Variants in C6 observed in about 807,000 individuals in gnomAD.
C6 encodes complement component C6.
In C6, 101 loss-of-function variants were observed where a neutral mutation model predicts 112.9. The ratio of observed to expected loss-of-function variants is 0.89; its 90% CI spans 0.76 to 1.06. The LOEUF (loss-of-function observed/expected upper bound fraction) is 1.06. C6 is among the 50% of genes least tolerant of loss of function. The pLI is 0.00. For missense variants in C6, 1,202 were observed against 1,104.6 expected (o/e 1.09, Z -1.25); for synonymous variants, 431 against 384.1 (o/e 1.12, Z -1.43).
intron 4 of C6, among the ~76,000 whole-genome samples, chr5:41,196,831 A>G (rs1161746929): frequency 6.6e-6 from 1 of 152,050 alleles, no homozygotes; most frequent in African/African-American, 2.4e-5. Context: ...TCCATTTCTG[A>G]CTTACTGAAT....
chr5:41,172,700 C>A, intron 8 of C6: 1 of 382,820 alleles, frequency 2.6e-6, no homozygotes, highest in Non-Finnish European at 5.0e-6. Context: ...TTTAAGCTCT[C>A]CCTTTCTATT....
At chr5:41,201,410 G>T in intron 3 of C6, 148 bp downstream of exon 3, 1 of 805,232 alleles carries the variant, frequency 1.2e-6, no homozygotes, top group Non-Finnish European at 2.1e-6. Flanking sequence ...CCACAAAAGT[G>T]CTAAATGGAA....
At position 41,150,080 on chromosome 5, in the gene C6, A is replaced by G. The variant is rs534803963; in HGVS notation, c.2291-55T>C. On this transcript the variant is annotated intron_variant, in intron 15 of 17. Coordinates refer to ENST00000337836, the MANE Select transcript of C6 (RefSeq NM_000065.5). Reference sequence around the variant, plus strand: ...CAGTGCACAGCATGGATTCTAAGTGATAAGCTTGAATTCAGAGAAGAGGCA... The same window carrying G: ...CAGTGCACAGCATGGATTCTAAGTGGTAAGCTTGAATTCAGAGAAGAGGCA... 392 of 1,098,294 alleles carry G rather than the reference A, an allele frequency of 3.6e-4. 10 individuals are homozygous for G. In the South Asian group the frequency reaches 4.5e-3, roughly 13 times the overall value. The allele number at this position is 1,098,294 out of a possible 1,614,324, so 68.0% of individuals were successfully genotyped here.
chr5:41,164,134 G>A (rs1324806630), intron 9 of C6, among the ~76,000 whole-genome samples: 16 of 151,508 alleles, frequency 1.1e-4, no homozygotes, highest in Admixed American at 1.1e-3. Context: ...GAGGGAGAGA[G>A]GGAGGGAAAA....
upstream of C6, chr5:41,213,573 A>G (rs1752073318): frequency 5.1e-6 from 5 of 985,156 alleles, no homozygotes; most frequent in African/African-American, 3.5e-5. Context: ...GTTCTCTGGA[A>G]CTTGAACTTT....
At chr5:41,211,672 G>A (rs1751942143) in intron 1 of C6, among the ~76,000 whole-genome samples, 3 of 151,804 alleles carry the variant, frequency 2.0e-5, no homozygotes, top group Admixed American at 1.3e-4. Flanking sequence ...GCCAAAATTG[G>A]AATTTTCTCA....
chr5:41,149,428 A>G lies in C6; in HGVS notation c.2436T>C (p.Thr812=). Residue 812 remains threonine, a synonymous_variant, in exon 17 of 18, where the codon ACT becomes ACC. Transcript: ENST00000337836. ...VFDTDSNDYF[T]SPACKFLAEK... ...CAGCCAAAAACTTACAAGCGGGTGA[A>G]GTAAAGTAATCGTTGGAGTCTGTGT... 1 of 1,614,114 alleles carries G rather than the reference A, an allele frequency of 6.2e-7. No homozygotes were observed. Among genetic ancestry groups the G allele is most frequent in the Non-Finnish European group, 8.5e-7 (1 of 1,179,976 alleles).
chr5:41,190,564 T>G (rs945164757), intron 5 of C6, among the ~76,000 whole-genome samples: 36 of 152,224 alleles, frequency 2.4e-4, no homozygotes, highest in African/African-American at 8.4e-4. Flanking sequence ...TTATGTTGTC[T>G]TTTCACTCTG....
intron 1 of C6, among the ~76,000 whole-genome samples, chr5:41,242,430 T>G (rs752538516): frequency 6.6e-6 from 1 of 151,610 alleles, no homozygotes; most frequent in Non-Finnish European, 1.5e-5. Context: ...TGTGGAACTG[T>G]GAGTCAATTA....
chr5:41,240,609 A>G (rs1740643677), intron 1 of C6, among the ~76,000 whole-genome samples: 1 of 152,112 alleles, frequency 6.6e-6, no homozygotes, highest in African/African-American at 2.4e-5. Flanking sequence ...GGCTGGGCTG[A>G]CCCATCTTCA....
chr5:41,253,386 T>C (rs1741483471), intron 1 of C6, among the ~76,000 whole-genome samples: 1 of 152,156 alleles, frequency 6.6e-6, no homozygotes, highest in African/African-American at 2.4e-5. Flanking sequence ...CTCATAAATC[T>C]CTCTCTGTGT....
chr5:41,186,177 C>A lies in C6; in HGVS notation c.619G>T (p.Glu207Ter). 1 of 1,613,922 alleles carries A rather than the reference C, an allele frequency of 6.2e-7. No individual in the cohort carries two copies. The highest frequency in any genetic ancestry group is 8.5e-7 in the Non-Finnish European group (1 of 1,179,894). ...FHFLAGEPRG[E>*]VLDNSFTGGI... ...CCAGTGAAAGAGTTATCAAGGACTT[C>A]TCCTCTGGGCTCTCCTGCCAGAAAA... Residue 207 changes from glutamate to a stop codon, truncating the protein, a stop_gained, in exon 6 of 18, where the codon GAA (glutamate) becomes TAA (stop). Transcript: ENST00000337836. LOFTEE classifies it high-confidence loss of function.
chr5:41,245,814 A>G (rs1740988476), intron 1 of C6, among the ~76,000 whole-genome samples: 1 of 152,168 alleles, frequency 6.6e-6, no homozygotes, highest in Admixed American at 6.5e-5. Flanking sequence ...TTATCTTTTT[A>G]AACTACTGAA....
At chr5:41,162,444 G>GA (rs1173850047) in intron 9 of C6, among the ~76,000 whole-genome samples, 2 of 152,056 alleles carry the variant, frequency 1.3e-5, no homozygotes, top group Non-Finnish European at 2.9e-5. Context: ...AACTAACACA[G>GA]AAAAAAACCC....
At chr5:41,195,304 G>A (rs907149169) in intron 5 of C6, among the ~76,000 whole-genome samples, 1 of 152,166 alleles carries the variant, frequency 6.6e-6, no homozygotes, top group African/African-American at 2.4e-5. Context: ...CTCTGGGTTT[G>A]CTTTTCATGC....
intron 15 of C6, chr5:41,152,940 T>G (rs767853381): frequency 2.6e-5 from 4 of 152,250 alleles, no homozygotes; most frequent in Non-Finnish European, 4.4e-5. Flanking sequence ...GGGACTCAGC[T>G]GCCCACACCT....
rs769413147 is a variant in C6 at position 41,199,800 on chromosome 5, G to A, written c.413C>T (p.Ala138Val). ...IPSKLCKIEEADCKNKFRCDS... is the reference protein window; with the variant it reads ...IPSKLCKIEEVDCKNKFRCDS... Reference sequence around the variant, plus strand: ...ACAGCGAAATTTATTCTTGCAGTCAGCCTCTTCAATTTTGCAGAGCTTAGA... The same window carrying A: ...ACAGCGAAATTTATTCTTGCAGTCAACCTCTTCAATTTTGCAGAGCTTAGA... The change falls in exon 4 of 18, where the codon GCT (alanine) becomes GTT (valine). Residue 138 changes from alanine to valine, a missense_variant. Ala to Val is a moderately conservative substitution (Grantham distance 64). Transcript: ENST00000337836. The A allele has an allele frequency of 8.1e-6, 13 of 1,613,774 alleles. No individual in the cohort carries two copies. The South Asian group carries it at 1.4e-4, about 18-fold the overall frequency.
At chr5:41,173,348 T>C (rs1748586146) in intron 8 of C6, among the ~76,000 whole-genome samples, 1 of 152,172 alleles carries the variant, frequency 6.6e-6, no homozygotes, top group African/African-American at 2.4e-5. Flanking sequence ...TCATTCTCAA[T>C]GGCCTCAGAA....
At chr5:41,175,280 A>G (rs889458827) in intron 8 of C6, among the ~76,000 whole-genome samples, 2 of 152,228 alleles carry the variant, frequency 1.3e-5, no homozygotes, top group Non-Finnish European at 2.9e-5. Context: ...CATCCAGAAT[A>G]CATCTTACTG....
Sources: allele counts gnomAD v4.1 joint callset (sites outside exome capture counted in the v4.1 genomes callset), GRCh38; gene constraint gnomAD v4.1.1; transcripts MANE v1.5; gene names NCBI Gene and HGNC (gene_info 2026-07-23, HGNC 2026-07-21).